NRXN1: variants seen among roughly 807,000 people sequenced by gnomAD.
NRXN1 encodes the protein neurexin 1, also known as neurexin-1.
Under a neutral mutation model 150.9 loss-of-function variants are expected in NRXN1, and 39 were observed. That is an observed-to-expected ratio of 0.26 (90% CI 0.20 to 0.34). The LOEUF is 0.34. Ranked by LOEUF, NRXN1 falls within the 10% of genes least tolerant of loss-of-function variation. The pLI, the probability that NRXN1 is intolerant of heterozygous loss-of-function variation, is 1.00. For missense variants in NRXN1, 1,815 were observed against 1,949.9 expected (o/e 0.93, Z 1.30); for synonymous variants, 924 against 757.0 (o/e 1.22, Z -3.62).
chr2:50,988,379 G>C (rs933398631), intron 2 of NRXN1, among the ~76,000 whole-genome samples: 1 of 152,062 alleles, frequency 6.6e-6, no homozygotes, highest in South Asian at 2.1e-4. Context: ...GTGATGAAGT[G>C]AACAGTATGG....
chr2:50,533,292 G>C (rs1211398842), intron 10 of NRXN1, among the ~76,000 whole-genome samples: 1 of 152,028 alleles, frequency 6.6e-6, no homozygotes, highest in African/African-American at 2.4e-5. Flanking sequence ...AGCATTCATT[G>C]CCTATTGGAA....
chr2:50,945,675 G>A (rs1690241878), intron 2 of NRXN1, among the ~76,000 whole-genome samples: 1 of 151,558 alleles, frequency 6.6e-6, no homozygotes. Flanking sequence ...ACAGCATACT[G>A]TATAATCTTA....
At chr2:50,279,166 T>G (rs970249519) in intron 17 of NRXN1, among the ~76,000 whole-genome samples, 3 of 152,188 alleles carry the variant, frequency 2.0e-5, no homozygotes. Flanking sequence ...TGTTACTACT[T>G]GTACCTTTTC....
chr2:50,830,567 A>C (rs1671270503), intron 5 of NRXN1, among the ~76,000 whole-genome samples: 1 of 151,716 alleles, frequency 6.6e-6, no homozygotes, highest in Admixed American at 6.6e-5. Flanking sequence ...CTGAGCCCTG[A>C]AACACATTCA....
intron 21 of NRXN1, among the ~76,000 whole-genome samples, chr2:49,954,205 C>T (rs1238857677): frequency 7.1e-6 from 1 of 141,170 alleles, no homozygotes; most frequent in Non-Finnish European, 1.5e-5. Context: ...TTACACTAGC[C>T]CCTCACACAG....
intron 2 of NRXN1, among the ~76,000 whole-genome samples, chr2:51,011,210 T>C (rs1334505206): frequency 6.6e-6 from 1 of 152,064 alleles, no homozygotes; most frequent in East Asian, 1.9e-4. Flanking sequence ...TTTTAAGAAA[T>C]TGCCTACTTG....
intron 18 of NRXN1, among the ~76,000 whole-genome samples, chr2:50,212,878 T>A (rs1404833871): frequency 1.3e-5 from 2 of 151,938 alleles, no homozygotes; most frequent in Non-Finnish European, 2.9e-5. Flanking sequence ...CAGTTGCAAG[T>A]CATTATGATT....
intron 5 of NRXN1, 36 bp downstream of exon 5, chr2:50,921,833 C>G: frequency 9.2e-7 from 1 of 1,090,778 alleles, no homozygotes; most frequent in Non-Finnish European, 1.3e-6. Flanking sequence ...GTAATTCATA[C>G]AGATGATATT....
intron 19 of NRXN1, among the ~76,000 whole-genome samples, chr2:50,082,832 C>T (rs748698678): frequency 4.4e-5 from 6 of 137,772 alleles, no homozygotes; most frequent in Non-Finnish European, 7.7e-5. Flanking sequence ...TAGGAGAAAT[C>T]GGGAAAGAAG....
chr2:50,676,758 G>C (rs1689606391), intron 5 of NRXN1, among the ~76,000 whole-genome samples: 1 of 152,124 alleles, frequency 6.6e-6, no homozygotes, highest in Non-Finnish European at 1.5e-5. Context: ...AATTGGTCCT[G>C]AGCTCTTTGT....
intron 17 of NRXN1, among the ~76,000 whole-genome samples, chr2:50,294,807 A>C (rs2073370004): frequency 6.6e-6 from 1 of 152,172 alleles, no homozygotes; most frequent in South Asian, 2.1e-4. Context: ...GGAATAATGG[A>C]TCTGTTTTAT....
chr2:50,285,253 T>C (rs2071984359), intron 17 of NRXN1, among the ~76,000 whole-genome samples: 1 of 152,234 alleles, frequency 6.6e-6, no homozygotes, highest in African/African-American at 2.4e-5. Flanking sequence ...TATGAATTTT[T>C]TATTTTACAA....
chr2:50,553,616 T>A lies in NRXN1; in HGVS notation c.1321-591A>T, dbSNP rs539056997. Reference sequence around the variant, plus strand: ...AAATATATAACTAAGATACAGAAGATCCCTGACCTGCATCAATACCTTTGA... The same window carrying A: ...AAATATATAACTAAGATACAGAAGAACCCTGACCTGCATCAATACCTTTGA... On this transcript the variant is annotated intron_variant, in intron 8 of 22. Transcript: ENST00000401669. Among the ~76,000 whole-genome samples the A allele has an allele frequency of 1.1e-4, 17 of 152,324 alleles. No homozygotes were observed. In the South Asian group the frequency reaches 3.5e-3, roughly 32 times the overall value.
chr2:50,005,487 G>C (rs1214324423), intron 21 of NRXN1, among the ~76,000 whole-genome samples: 1 of 152,042 alleles, frequency 6.6e-6, no homozygotes, highest in Non-Finnish European at 1.5e-5. Flanking sequence ...ACAACCATGA[G>C]AGTCTCCTTA....
intron 18 of NRXN1, among the ~76,000 whole-genome samples, chr2:50,160,395 G>C (rs889739921): frequency 1.3e-5 from 2 of 151,974 alleles, no homozygotes; most frequent in Non-Finnish European, 2.9e-5. Context: ...ACAAAAATTA[G>C]CTGGGCATGG....
chr2:50,887,979 T>G (rs1016385802), intron 5 of NRXN1, among the ~76,000 whole-genome samples: 2 of 148,728 alleles, frequency 1.3e-5, no homozygotes, highest in Non-Finnish European at 3.0e-5. Flanking sequence ...AAAAAAAAAG[T>G]AGAAGAGGCT....
chr2:50,219,966 TATATATATA>T (rs1383790108), intron 18 of NRXN1, among the ~76,000 whole-genome samples: 2 of 60,030 alleles, frequency 3.3e-5, no homozygotes, highest in African/African-American at 2.5e-4. Flanking sequence ...ATATATATTA[TATATATATA>T]ATATATATAT....
intron 5 of NRXN1, among the ~76,000 whole-genome samples, chr2:50,921,259 A>G (rs1384605319): frequency 6.6e-6 from 1 of 151,822 alleles, no homozygotes; most frequent in African/African-American, 2.4e-5. Flanking sequence ...AAGAGTACAC[A>G]TGCCTGACTT....
intron 5 of NRXN1, among the ~76,000 whole-genome samples, chr2:50,845,518 G>A (rs974511674): frequency 3.3e-5 from 5 of 152,206 alleles, no homozygotes; most frequent in South Asian, 2.1e-4. Flanking sequence ...TCTTCATGGC[G>A]TTTTTCACCA....
Sources: gnomAD v4.1 joint callset for allele counts (sites outside exome capture counted in the v4.1 genomes callset) on GRCh38, gnomAD v4.1.1 for gene constraint, MANE v1.5 for transcripts, NCBI Gene and HGNC (gene_info 2026-07-23, HGNC 2026-07-21) for gene names.